The following FGF14 variants were observed in gnomAD, a reference collection of about 807,000 sequenced individuals.
The protein encoded by FGF14 is fibroblast growth factor 14, also known as fibroblast growth factor homologous factor 4.
FGF14 carries 5 observed loss-of-function variants against 25.5 expected under a neutral mutation model. The observed-to-expected ratio is 0.20, with a 90% CI of 0.10 to 0.41. FGF14 has a LOEUF of 0.41. FGF14 is among the 10% of genes least tolerant of loss of function. FGF14 has a pLI of 1.00. For missense variants in FGF14, 222 were observed against 320.1 expected (o/e 0.69, Z 2.34); for synonymous variants, 138 against 118.3 (o/e 1.17, Z -1.08).
intron 1 of FGF14, among the ~76,000 whole-genome samples, chr13:102,184,898 A>G (rs780143330): frequency 6.6e-6 from 1 of 152,210 alleles, no homozygotes; most frequent in Admixed American, 6.5e-5. Flanking sequence ...ATCATTTATA[A>G]TAACAGTGAG....
Position 101,715,835 on chromosome 13 carries a change from G to T in FGF14, c.*6996C>A. 1 of 467,120 alleles carries T rather than the reference G, an allele frequency of 2.1e-6. No homozygotes were observed. 28.9% of individuals were successfully genotyped at this position (467,120 alleles called of 1,614,324 possible). A position where few individuals can be genotyped will look rare whatever the true frequency, so the allele number is the denominator to read the frequency against. ...AGAAATGAGTTATGCAAATTTAGATGCAAATAACATTAGAAAAAAAAGATT... is the reference window on the plus strand; with the variant it reads ...AGAAATGAGTTATGCAAATTTAGATTCAAATAACATTAGAAAAAAAAGATT... On this transcript the variant is annotated 3_prime_UTR_variant, in exon 5 of 5. Coordinates refer to ENST00000376143, the MANE Select transcript of FGF14 (RefSeq NM_004115.4).
At chr13:101,806,114 T>C (rs1365008059) in intron 3 of FGF14, among the ~76,000 whole-genome samples, 1 of 151,966 alleles carries the variant, frequency 6.6e-6, no homozygotes, top group Non-Finnish European at 1.5e-5. Context: ...AAATATTTAA[T>C]ATGTAAAAGC....
intron 1 of FGF14, among the ~76,000 whole-genome samples, chr13:102,192,316 C>T (rs1007020770): frequency 6.6e-6 from 1 of 152,152 alleles, no homozygotes; most frequent in African/African-American, 2.4e-5. Flanking sequence ...TTCAAATTGA[C>T]AGTGTTTTTG....
intron 1 of FGF14, among the ~76,000 whole-genome samples, chr13:101,982,469 T>G (rs1401592226): frequency 6.6e-6 from 1 of 152,206 alleles, no homozygotes; most frequent in Non-Finnish European, 1.5e-5. Context: ...TACTGCCATA[T>G]TCTAGAATAA....
chr13:102,372,180 T>C (rs1455984396), intron 1 of FGF14, among the ~76,000 whole-genome samples: 1 of 152,198 alleles, frequency 6.6e-6, no homozygotes, highest in Non-Finnish European at 1.5e-5. Context: ...AAAATAGTAA[T>C]GTATTAGTCT....
At chr13:102,374,688 A>ATATG (rs2057994098) in intron 1 of FGF14, among the ~76,000 whole-genome samples, 2 of 117,366 alleles carry the variant, frequency 1.7e-5, no homozygotes, top group African/African-American at 6.7e-5. Context: ...ATATATATAT[A>ATATG]TATATATATG....
chr13:102,021,159 C>T lies in FGF14; in HGVS notation c.209-145863G>A, dbSNP rs192237891. 3.0e-3 allele frequency among the ~76,000 whole-genome samples: 449 copies of T among 152,050 alleles called. 4 individuals carry two copies. Among genetic ancestry groups the T allele is most frequent in the African/African-American group, 0.01 (421 of 41,508 alleles). On this transcript the variant is annotated intron_variant, in intron 1 of 4. Transcript: ENST00000376131. ...GCCGAGAGTAAAGGAGATTATGCAT[C>T]ATTACAGAGGAAGGAGATTTAGAGT... is the stretch of plus-strand genomic sequence containing the variant.
chr13:102,170,347 C>T (rs934655288), intron 1 of FGF14, among the ~76,000 whole-genome samples: 1 of 152,038 alleles, frequency 6.6e-6, no homozygotes, highest in Admixed American at 6.6e-5. Flanking sequence ...TGTCCTCCTC[C>T]TCCTTTTTCC....
intron 3 of FGF14, among the ~76,000 whole-genome samples, chr13:101,852,199 T>G (rs1386640042): frequency 1.3e-5 from 2 of 152,052 alleles, no homozygotes; most frequent in Admixed American, 6.6e-5. Context: ...AATTCTGAAA[T>G]GCCAGCCACC....
At chr13:102,042,033 C>T (rs926587364) in intron 1 of FGF14, among the ~76,000 whole-genome samples, 6 of 152,272 alleles carry the variant, frequency 3.9e-5, no homozygotes, top group African/African-American at 1.4e-4. Flanking sequence ...TGGTAACAAA[C>T]GAACATACTC....
chr13:102,094,753 C>T (rs1413435263), intron 1 of FGF14, among the ~76,000 whole-genome samples: 3 of 152,102 alleles, frequency 2.0e-5, no homozygotes, highest in Admixed American at 6.6e-5. Context: ...TGGATTGATT[C>T]CATCAGTGAC....
chr13:102,089,536 T>C (rs948478271), intron 1 of FGF14, among the ~76,000 whole-genome samples: 20 of 152,216 alleles, frequency 1.3e-4, no homozygotes, highest in Admixed American at 3.9e-4. Flanking sequence ...TGGCATAAGA[T>C]TGCACTTTTA....
At chr13:102,276,298 T>TACACACACACACACACACACACACACAC (rs57994075) in intron 1 of FGF14, among the ~76,000 whole-genome samples, 1 of 118,298 alleles carries the variant, frequency 8.5e-6, no homozygotes, top group Non-Finnish European at 1.7e-5. Flanking sequence ...AACTTGGAAA[T>TACACACACACACACACACACACACACAC]ACACACACAC....
chr13:102,314,980 A>G (rs2055948852), intron 1 of FGF14, among the ~76,000 whole-genome samples: 2 of 149,352 alleles, frequency 1.3e-5, no homozygotes, highest in African/African-American at 4.9e-5. Flanking sequence ...ACATTATTAT[A>G]AATAACATAT....
intron 1 of FGF14, among the ~76,000 whole-genome samples, chr13:102,239,727 G>A (rs945147818): frequency 2.0e-5 from 3 of 152,004 alleles, no homozygotes; most frequent in Non-Finnish European, 4.4e-5. Flanking sequence ...AGTTTTCCTG[G>A]GTTTTATGAC....
intron 1 of FGF14, among the ~76,000 whole-genome samples, chr13:102,059,090 G>A (rs2042563901): frequency 6.6e-6 from 1 of 152,168 alleles, no homozygotes; most frequent in South Asian, 2.1e-4. Context: ...AAATAATGAT[G>A]AGGCTACTTC....
chr13:102,133,832 T>C (rs956536146), intron 1 of FGF14, among the ~76,000 whole-genome samples: 31 of 152,190 alleles, frequency 2.0e-4, no homozygotes, highest in African/African-American at 7.0e-4. Flanking sequence ...ACTCATGTCA[T>C]GAGCACCAAA....
chr13:101,862,149 G>A (rs1306073202), intron 3 of FGF14, among the ~76,000 whole-genome samples: 1 of 152,102 alleles, frequency 6.6e-6, no homozygotes, highest in Non-Finnish European at 1.5e-5. Context: ...TTAGAATCAG[G>A]AGTCAGGTGG....
chr13:101,840,702 G>C (rs2043154919), intron 3 of FGF14, among the ~76,000 whole-genome samples: 1 of 151,894 alleles, frequency 6.6e-6, no homozygotes, highest in African/African-American at 2.4e-5. Context: ...CCAAATTGTT[G>C]CAACACATAG....
Sources: gnomAD v4.1 joint callset for allele counts (sites outside exome capture counted in the v4.1 genomes callset) on GRCh38, gnomAD v4.1.1 for gene constraint, MANE v1.5 for transcripts, NCBI Gene and HGNC (gene_info 2026-07-23, HGNC 2026-07-21) for gene names.